The following MYH9 variants were observed in gnomAD, a reference collection of about 807,000 sequenced individuals.
The protein encoded by MYH9 is myosin heavy chain 9.
In MYH9, 29 loss-of-function variants were observed where a neutral mutation model predicts 241.9. The observed-to-expected ratio is 0.12, with a 90% CI of 0.09 to 0.16. MYH9 has a LOEUF of 0.16. Among genes scored for constraint, MYH9 ranks in the 10% least tolerant of loss-of-function variants. The probability of loss-of-function intolerance (pLI) is 1.00; values close to 1 mark genes in which losing one functional copy is unlikely to be tolerated. For missense variants in MYH9, 1,803 were observed against 2,595.5 expected, an observed-to-expected ratio of 0.69 and a Z score of 6.63; for synonymous variants, 1,047 against 1,062.6, an observed-to-expected ratio of 0.99 and a Z score of 0.29.
chr22:36,289,007 G>C (rs1219231263), intron 32 of MYH9, 68 bp from the exon 33 acceptor site: 4 of 1,612,448 alleles, frequency 2.5e-6, no homozygotes, highest in African/African-American at 2.7e-5. Context: ...GCGACCCGGA[G>C]TCTGTGCACA....
At chr22:36,358,208 G>A (rs1177330719) in intron 1 of MYH9, among the ~76,000 whole-genome samples, 4 of 152,140 alleles carry the variant, frequency 2.6e-5, no homozygotes, top group Non-Finnish European at 4.4e-5. Flanking sequence ...GGGACTACAG[G>A]TGCACACCGC....
At position 36,334,330 on chromosome 22, in the gene MYH9, G is replaced by A. The variant is rs1342363361; in HGVS notation, c.491-6842C>T. 2.0e-5 allele frequency among the ~76,000 whole-genome samples: 3 copies of A among 152,326 alleles called. No homozygotes were observed. The East Asian group carries it at 5.8e-4, about 29-fold the overall frequency. ...AGCCATGGTGTTGGGTGGTGGCCCA[G>A]GGCCTGCTTCCCACAGCACCTGTCT... On this transcript the variant is annotated intron_variant, in intron 3 of 40. Coordinates refer to ENST00000216181, the MANE Select transcript of MYH9 (RefSeq NM_002473.6).
chr22:36,294,879 G>A, intron 27 of MYH9, 53 bp downstream of exon 27: 1 of 1,602,132 alleles, frequency 6.2e-7, no homozygotes, highest in Non-Finnish European at 8.5e-7. Flanking sequence ...GATTCTGTGG[G>A]CCCAGCACGG....
At chr22:36,287,652 G>A (rs1366859486) in intron 34 of MYH9, among the ~76,000 whole-genome samples, 2 of 152,244 alleles carry the variant, frequency 1.3e-5, no homozygotes, top group Non-Finnish European at 2.9e-5. Context: ...TGAGGCAGGA[G>A]AATGGCGTGA....
Position 36,286,766 on chromosome 22 carries a change from G to A in MYH9, c.5013C>T (p.Asn1671=), listed in dbSNP as rs367872152. 57 of 1,613,014 alleles carry A rather than the reference G, an allele frequency of 3.5e-5. No individual in the cohort carries two copies. Among genetic ancestry groups the A allele is most frequent in the East Asian group, 8.9e-5 (4 of 44,880 alleles). The change falls in exon 35 of 41, where the codon AAC becomes AAT. Residue 1671 remains asparagine (N), a synonymous_variant. Transcript: ENST00000216181. ...REEILAQAKE[N]EKKLKSMEAE... The stretch of plus-strand genomic sequence containing the variant: ...CCTCCATGCTCTTCAGCTTCTTCTC[G>A]TTCTCTTTGGCCTGGGCCAGGATCT...
intron 24 of MYH9, chr22:36,297,246 A>G: frequency 1.7e-6 from 1 of 578,188 alleles, no homozygotes; most frequent in East Asian, 2.9e-5. Context: ...CCTGCCAGGA[A>G]TTAAGTACTC....
Position 36,288,856 on chromosome 22 carries a change from C to A in MYH9, c.4641G>T (p.Glu1547Asp), listed in dbSNP as rs752832018. The A allele has an allele frequency of 2.5e-6, 4 of 1,614,072 alleles. No homozygotes were observed. The Middle Eastern group carries it at 4.9e-4, about 200-fold the overall frequency. The change falls in exon 33 of 41, where the codon GAG becomes GAT. Residue 1547 changes from glutamate (E) to aspartate (D), a missense_variant. Physicochemically the swap from Glu to Asp is conservative, Grantham distance 45. Coordinates refer to ENST00000216181, the MANE Select transcript of MYH9 (RefSeq NM_002473.6). The surrounding 1 kb of genome is among the most constrained non-coding windows in gnomAD (Gnocchi z 4.8). ...MKTQLEELED[E>D]LQATEDAKLR... is the part of the protein sequence containing the mutation. ...GCTTGGCATCTTCGGTGGCCTGCAG[C>A]TCGTCCTCCAGCTCTTCCAGCTGCG...
chr22:36,293,363 T>G lies in MYH9; in HGVS notation c.4061A>C (p.Asn1354Thr). 2.5e-6 allele frequency: 4 copies of G among 1,614,038 alleles called. No homozygotes were observed. The highest frequency in any genetic ancestry group is 3.4e-6 in the Non-Finnish European group (4 of 1,180,020). Residue 1354 changes from asparagine to threonine, a missense_variant, in exon 30 of 41, where the codon AAC (asparagine) becomes ACC (threonine). By Grantham distance (65) the Asn-to-Thr change is moderately conservative. Around this residue, in one of 11 missense-constraint regions of MYH9, gnomAD observed 876 missense variants for 1,077.8 expected, o/e 0.81. Coordinates refer to ENST00000216181, the MANE Select transcript of MYH9 (RefSeq NM_002473.6). The surrounding 1 kb of genome is among the most constrained non-coding windows in gnomAD (Gnocchi z 5.1). ...GAGGGTGGCGATCTGCTTCTCCAGG[T>G]TGTGCTTGGCCTCCTCCTCCTCCTC... ...QLEEEEEAKH[N>T]LEKQIATLHA...
intron 14 of MYH9, among the ~76,000 whole-genome samples, chr22:36,310,201 C>T (rs1389221214): frequency 1.3e-5 from 2 of 149,524 alleles, no homozygotes; most frequent in African/African-American, 2.5e-5. Context: ...ACCTGGGAGA[C>T]GGAGGTTGCA....
intron 1 of MYH9, among the ~76,000 whole-genome samples, chr22:36,363,503 T>C (rs1322439789): frequency 6.6e-6 from 1 of 151,918 alleles, no homozygotes; most frequent in Non-Finnish European, 1.5e-5. Flanking sequence ...GAGGAAACAA[T>C]AGGTTAAGCA....
At chr22:36,286,428 C>T (rs951301946) in intron 35 of MYH9, among the ~76,000 whole-genome samples, 1 of 152,204 alleles carries the variant, frequency 6.6e-6, no homozygotes, top group African/African-American at 2.4e-5. Flanking sequence ...GCCGAGGGGA[C>T]GCTCAGACCC....
intron 3 of MYH9, among the ~76,000 whole-genome samples, chr22:36,335,414 G>A (rs1199513367): frequency 6.6e-6 from 1 of 152,214 alleles, no homozygotes; most frequent in Non-Finnish European, 1.5e-5. Context: ...CGGCTGGCAG[G>A]GCTGGCGGCC....
At position 36,285,792 on chromosome 22, in the gene MYH9, G is replaced by A. The variant is rs760895494; in HGVS notation, c.5151-11C>T. On this transcript the variant is annotated splice_polypyrimidine_tract_variant and intron_variant, in intron 36 of 40. Transcript: ENST00000216181. The surrounding 1 kb of genome is among the most constrained non-coding windows in gnomAD (Gnocchi z 7.0). ...TCTAACGCCAGGGCTCTGCGGGGTGGGCGGGAGAAGTGAGGGGCCTACCCT... is the reference window on the plus strand; with the variant it reads ...TCTAACGCCAGGGCTCTGCGGGGTGAGCGGGAGAAGTGAGGGGCCTACCCT... 13 of 1,609,858 alleles carry A rather than the reference G, an allele frequency of 8.1e-6. No individual in the cohort carries two copies. The highest frequency in any genetic ancestry group is 5.0e-5 in the Admixed American group (3 of 59,438).
intron 1 of MYH9, among the ~76,000 whole-genome samples, chr22:36,387,536 G>A (rs1484257502): frequency 6.6e-6 from 1 of 151,642 alleles, no homozygotes. Context: ...GGGGACACGG[G>A]GGGCGCCGGG....
chr22:36,384,186 G>A (rs1226298053), intron 1 of MYH9, among the ~76,000 whole-genome samples: 5 of 151,612 alleles, frequency 3.3e-5, no homozygotes, highest in African/African-American at 7.3e-5. Context: ...CAGAAGAATC[G>A]CTTAAACCTT....
chr22:36,300,673 C>A lies in MYH9; in HGVS notation c.2838+178G>T, dbSNP rs2016862326. 6.6e-6 allele frequency among the ~76,000 whole-genome samples: 1 copy of A among 152,338 alleles called. No individual in the cohort carries two copies. The highest frequency in any genetic ancestry group is 2.1e-4 in the South Asian group (1 of 4,830). ...GCAGTGCTCATGGAGATCTCAGATG[C>A]ACATGTCACAAACTACCAGCCCAAA... On this transcript the variant is annotated intron_variant, in intron 22 of 40. Transcript: ENST00000216181. This position sits in a 1 kb window ranked among gnomAD's most constrained non-coding sequence, Gnocchi z 5.0.
At position 36,312,307 on chromosome 22, in the gene MYH9, A is replaced by C. The variant is rs2146354696; in HGVS notation, c.1555-85T>G. ...CAAGAAGCCAAAGCCCGGACATCAG[A>C]ATCCCCTGAATCCCACAGACGGTGG... On this transcript the variant is annotated intron_variant, in intron 13 of 40. Coordinates refer to ENST00000216181, the MANE Select transcript of MYH9 (RefSeq NM_002473.6). The C allele has an allele frequency of 3.7e-6, 5 of 1,356,828 alleles. No individual in the cohort carries two copies. The South Asian group carries it at 4.8e-5, about 13-fold the overall frequency. 84.0% of individuals were successfully genotyped at this position (1,356,828 alleles called of 1,614,324 possible). A position where few individuals can be genotyped will look rare whatever the true frequency, so the allele number is the denominator to read the frequency against.
intron 2 of MYH9, among the ~76,000 whole-genome samples, chr22:36,343,576 G>A (rs951597623): frequency 4.0e-4 from 61 of 150,712 alleles, no homozygotes; most frequent in Non-Finnish European, 6.5e-4. Context: ...AAGAGCAGCT[G>A]AGCTTAGAAA....
In MYH9 at chr22:36,288,041, C is replaced by T. The variant is rs891319266; in HGVS notation, c.4932+211G>A. ...GTGTTTTATGTACCCAGTCATACAC[C>T]GTTTTGCAAGTTTGCTGTTGGACTA... On this transcript the variant is annotated intron_variant, in intron 34 of 40. Transcript: ENST00000216181. This position sits in a 1 kb window ranked among gnomAD's most constrained non-coding sequence, Gnocchi z 4.8. 2.6e-5 allele frequency among the ~76,000 whole-genome samples: 4 copies of T among 152,184 alleles called. No individual in the cohort carries two copies. The highest frequency in any genetic ancestry group is 4.4e-5 in the Non-Finnish European group (3 of 68,040).
Sources: allele counts gnomAD v4.1 joint callset (sites outside exome capture counted in the v4.1 genomes callset), GRCh38; gene constraint gnomAD v4.1.1; regional missense constraint gnomAD v4.1.1; non-coding constraint Gnocchi (gnomAD v3.1); transcripts MANE v1.5; gene names NCBI Gene and HGNC (gene_info 2026-07-23, HGNC 2026-07-21).